SAMD12: variants seen among roughly 807,000 people sequenced by gnomAD.
SAMD12 encodes sterile alpha motif domain containing 12.
In SAMD12, 9 loss-of-function variants were observed where a neutral mutation model predicts 15.0. The ratio of observed to expected loss-of-function variants is 0.60; its 90% CI spans 0.36 to 1.05. The LOEUF (loss-of-function observed/expected upper bound fraction) is 1.05, where lower values mean the gene tolerates loss of function less well. SAMD12 is among the 50% of genes least tolerant of loss of function. SAMD12 has a pLI of 0.01. For synonymous variants in SAMD12, 86 were observed against 90.1 expected (o/e 0.96, Z 0.25); for missense variants, 230 against 234.2 (o/e 0.98, Z 0.12).
intron 2 of SAMD12, among the ~76,000 whole-genome samples, chr8:118,559,260 C>T (rs112463259): frequency 0.018 from 2,704 of 152,244 alleles, 86 homozygotes; most frequent in African/African-American, 0.062. Flanking sequence ...GTTACTTTTG[C>T]TTTCCTGTAC....
chr8:118,233,266 G>A (rs1173750956), intron 4 of SAMD12, among the ~76,000 whole-genome samples: 4 of 152,146 alleles, frequency 2.6e-5, no homozygotes, highest in African/African-American at 7.2e-5. Context: ...TCTAGAAACT[G>A]TAACTTTCTT....
At chr8:118,154,387 CA>C in the SAMD12 span, among the ~76,000 whole-genome samples, 45 of 152,238 alleles carry the variant, frequency 3.0e-4, no homozygotes, top group Middle Eastern at 3.4e-3. Context: ...TCTGTCAGAC[CA>C]AAATTTCTAA....
chr8:118,443,646 T>C (rs1373268978), intron 2 of SAMD12, among the ~76,000 whole-genome samples: 2 of 152,228 alleles, frequency 1.3e-5, no homozygotes, highest in African/African-American at 4.8e-5. Context: ...GGCATTTTAA[T>C]GAAATTACTA....
intron 4 of SAMD12, among the ~76,000 whole-genome samples, chr8:118,353,568 G>A (rs138116290): frequency 6.6e-4 from 101 of 152,186 alleles, no homozygotes; most frequent in Non-Finnish European, 1.2e-3. Flanking sequence ...TGGACTTTCC[G>A]GCCTCTGGAA....
chr8:118,317,384 T>A (rs1815972044), intron 4 of SAMD12, among the ~76,000 whole-genome samples: 1 of 152,186 alleles, frequency 6.6e-6, no homozygotes, highest in African/African-American at 2.4e-5. Flanking sequence ...GGAAACTACT[T>A]AAATACGAGA....
chr8:118,550,962 T>G (rs1045573244), intron 2 of SAMD12, among the ~76,000 whole-genome samples: 1 of 151,054 alleles, frequency 6.6e-6, no homozygotes. Flanking sequence ...AGGGATCAAT[T>G]CAACAAGAAG....
chr8:118,308,441 A>C (rs2130376027), intron 4 of SAMD12, among the ~76,000 whole-genome samples: 1 of 152,278 alleles, frequency 6.6e-6, no homozygotes, highest in East Asian at 1.9e-4. Flanking sequence ...TGCATTAGGC[A>C]CTGCTTCACT....
chr8:118,579,037 A>T (rs1236031400), intron 2 of SAMD12, among the ~76,000 whole-genome samples: 1 of 152,196 alleles, frequency 6.6e-6, no homozygotes, highest in East Asian at 1.9e-4. Context: ...GCAAAGACAC[A>T]AAATTTCAGG....
chr8:118,403,099 C>T (rs764274371), intron 3 of SAMD12, among the ~76,000 whole-genome samples: 3 of 152,202 alleles, frequency 2.0e-5, no homozygotes, highest in Non-Finnish European at 4.4e-5. Flanking sequence ...CACATATCTT[C>T]ACACAAATAA....
chr8:118,235,512 A>C (rs1812410599), intron 4 of SAMD12, among the ~76,000 whole-genome samples: 1 of 152,186 alleles, frequency 6.6e-6, no homozygotes, highest in Non-Finnish European at 1.5e-5. Context: ...TTTTAAAAAC[A>C]TGTATACTGG....
chr8:118,216,791 C>G (rs981572217), intron 4 of SAMD12, among the ~76,000 whole-genome samples: 2 of 151,968 alleles, frequency 1.3e-5, no homozygotes, highest in African/African-American at 4.8e-5. Flanking sequence ...TTTCAGCAAT[C>G]TGGAAAACTC....
intron 4 of SAMD12, among the ~76,000 whole-genome samples, chr8:118,202,284 T>C (rs2514942): frequency 0.52 from 78,646 of 152,100 alleles, 21,712 homozygotes; most frequent in Non-Finnish European, 0.62. Context: ...TAATGCTAAA[T>C]GTCAATGTTC....
At chr8:118,409,727 T>C (rs1282531533) in intron 3 of SAMD12, among the ~76,000 whole-genome samples, 1 of 152,052 alleles carries the variant, frequency 6.6e-6, no homozygotes, top group Admixed American at 6.5e-5. Flanking sequence ...AAATGGCTTA[T>C]AATATCTAGT....
chr8:118,195,629 C>G (rs1819536427), exon 5 of SAMD12: 3 of 152,312 alleles, frequency 2.0e-5, no homozygotes, highest in Admixed American at 2.0e-4. Context: ...TCCTAGGTTA[C>G]TCTGGCAGAA....
chr8:118,422,354 T>C (rs13250709), intron 3 of SAMD12, among the ~76,000 whole-genome samples: 1 of 152,034 alleles, frequency 6.6e-6, no homozygotes, highest in African/African-American at 2.4e-5. Context: ...CTAACAATAA[T>C]AGCTGTCATT....
the SAMD12 span, among the ~76,000 whole-genome samples, chr8:118,177,016 T>C: frequency 2.6e-5 from 4 of 152,064 alleles, no homozygotes; most frequent in Non-Finnish European, 4.4e-5. Context: ...AACAGTTACG[T>C]GGTGATGCAG....
At chr8:118,280,304 T>C (rs531616817) in intron 4 of SAMD12, among the ~76,000 whole-genome samples, 16 of 152,172 alleles carry the variant, frequency 1.1e-4, no homozygotes, top group East Asian at 3.9e-4. Flanking sequence ...ATTCCCTTAG[T>C]GCCATTTTGT....
chr8:118,292,152 G>A (rs1360114745), intron 4 of SAMD12, among the ~76,000 whole-genome samples: 4 of 151,338 alleles, frequency 2.6e-5, no homozygotes, highest in East Asian at 2.0e-4. Flanking sequence ...GGGCAGGAGG[G>A]GGTAGGGGGC....
chr8:118,325,805 G>A (rs1816537477), intron 4 of SAMD12, among the ~76,000 whole-genome samples: 1 of 152,120 alleles, frequency 6.6e-6, no homozygotes, highest in Admixed American at 6.5e-5. Context: ...ATTTTTAGCT[G>A]AAATTGAACA....
Sources: gnomAD v4.1 joint callset for allele counts (sites outside exome capture counted in the v4.1 genomes callset) on GRCh38, gnomAD v4.1.1 for gene constraint, MANE v1.5 for transcripts, NCBI Gene and HGNC (gene_info 2026-07-23, HGNC 2026-07-21) for gene names.